Variants in CEP104 observed in about 807,000 individuals in gnomAD.
CEP104 encodes centrosomal protein of 104 kDa.
A neutral mutation model predicts 113.3 loss-of-function variants in CEP104; 84 were observed. The observed-to-expected ratio is 0.74, with a 90% confidence interval of 0.62 to 0.89. The LOEUF (loss-of-function observed/expected upper bound fraction) is 0.89, where lower values mean the gene tolerates loss of function less well. CEP104 is among the 40% of genes least tolerant of loss of function. CEP104 has a pLI of 0.00. For synonymous variants in CEP104, 378 were observed against 421.7 expected (o/e 0.90, Z 1.27); for missense variants, 1,053 against 1,156.6 (o/e 0.91, Z 1.30).
At chr1:3,837,193 A>G (rs1163735109) in intron 9 of CEP104, 99 bp downstream of exon 9, 1 of 960,624 alleles carries the variant, frequency 1.0e-6, no homozygotes, top group Admixed American at 2.2e-5. Flanking sequence ...GCTGGGGAGC[A>G]CTCATGCACC....
chr1:3,833,833 G>A (rs774598382), intron 12 of CEP104, 29 bp downstream of exon 12: 9 of 1,608,696 alleles, frequency 5.6e-6, no homozygotes, highest in South Asian at 3.3e-5. Context: ...TATCATCTAC[G>A]GTTTCAAATG....
Position 3,844,919 on chromosome 1 carries a change from C to A in CEP104, c.554G>T (p.Gly185Val), listed in dbSNP as rs1235161356. 1.2e-6 allele frequency: 2 copies of A among 1,613,930 alleles called. No homozygotes were observed. Among genetic ancestry groups the A allele is most frequent in the Admixed American group, 3.3e-5 (2 of 59,998 alleles). The change falls in exon 6 of 22, where the codon GGA becomes GTA. Residue 185 changes from glycine (G) to valine (V), a missense_variant. By Grantham distance (109) the Gly-to-Val change is moderately radical. Transcript: ENST00000378230. ...GHNSEDPALE[G>V]TYARKSDYIS... ...GCAGGACTCTTACCTGGCGTACGTT[C>A]CTTCTAGAGCAGGGTCCTCGCTGTT...
At chr1:3,820,088 G>C (rs894938919) in intron 20 of CEP104, among the ~76,000 whole-genome samples, 2 of 152,142 alleles carry the variant, frequency 1.3e-5, no homozygotes, top group African/African-American at 2.4e-5. Flanking sequence ...GGTGTGTGGT[G>C]ATGTGTAAGG....
Position 3,815,269 on chromosome 1 carries a change from G to T in CEP104, c.*133C>A, listed in dbSNP as rs1325409500. 1 of 662,692 alleles carries T rather than the reference G, an allele frequency of 1.5e-6. No individual in the cohort carries two copies. The highest frequency in any genetic ancestry group is 1.8e-5 in the African/African-American group (1 of 55,454). The allele number at this position is 662,692 out of a possible 1,614,324, so 41.1% of individuals were successfully genotyped here. A position where few individuals can be genotyped will look rare whatever the true frequency, so the allele number is the denominator to read the frequency against. On this transcript the variant is annotated 3_prime_UTR_variant, in exon 22 of 22. Transcript: ENST00000378230. ...GAGCTGACGGCACAGACGCGTAAGAGGCGTGCACGGCGGGGAGCTGGGGAC... is the reference window on the plus strand; with the variant it reads ...GAGCTGACGGCACAGACGCGTAAGATGCGTGCACGGCGGGGAGCTGGGGAC...
In CEP104 at chr1:3,839,756, G is replaced by A. The variant is rs142965929; in HGVS notation, c.587C>T (p.Pro196Leu). Residue 196 changes from proline to leucine, a missense_variant, in exon 7 of 22, where the codon CCG (proline) becomes CTG (leucine). Transcript: ENST00000378230. ...TYARKSDYIS[P>L]LDDLAFDMYQ... ...CATATCAAAAGCTAAGTCATCTAGC[G>A]GAGAGATATAGTCAGATTTCCTAAA... 7 of 1,611,940 alleles carry A rather than the reference G, an allele frequency of 4.3e-6. No homozygotes were observed. In the African/African-American group the frequency reaches 6.7e-5, roughly 15 times the overall value.
At chr1:3,844,187 A>G (rs1272233461) in intron 6 of CEP104, among the ~76,000 whole-genome samples, 1 of 152,238 alleles carries the variant, frequency 6.6e-6, no homozygotes, top group Non-Finnish European at 1.5e-5. Flanking sequence ...TTTGATTTTT[A>G]CCATGAATTT....
chr1:3,823,490 AAC>A lies in CEP104; in HGVS notation c.2435_2436del (p.Cys812LeufsTer5), dbSNP rs1486491010. 6 of 1,614,242 alleles carry A rather than the reference AAC, an allele frequency of 3.7e-6. No individual in the cohort carries two copies. The highest frequency in any genetic ancestry group is 1.7e-5 in the Admixed American group (1 of 60,030). ...TTGAAAACAGCCTCACTGCAACGGTAACACTTTCCAAACCCGTCTTTTTTGTC... is the reference window on the plus strand; with the variant it reads ...TTGAAAACAGCCTCACTGCAACGGTAACTTTCCAAACCCGTCTTTTTTGTC... ...ECDKKDGFGK[C>X]YRCSEAVFKE... On this transcript the variant is annotated frameshift_variant, in exon 19 of 22. Coordinates refer to ENST00000378230, the MANE Select transcript of CEP104 (RefSeq NM_014704.4). LOFTEE classifies it high-confidence loss of function. This position sits in a 1 kb window ranked among gnomAD's most constrained non-coding sequence, Gnocchi z 4.1.
intron 4 of CEP104, among the ~76,000 whole-genome samples, chr1:3,846,409 GA>G (rs1458746214): frequency 6.6e-6 from 1 of 152,146 alleles, no homozygotes; most frequent in Non-Finnish European, 1.5e-5. Context: ...AGCAAGTTTT[GA>G]AATGAAATTT....
chr1:3,816,425 T>C (rs368037976), intron 20 of CEP104, 55 bp from the exon 21 acceptor site: 9 of 1,404,546 alleles, frequency 6.4e-6, no homozygotes, highest in Non-Finnish European at 8.7e-6. Context: ...CCTGGCACGC[T>C]ACCTGAGACC....
At chr1:3,827,756 G>C (rs1248679055) in intron 15 of CEP104, among the ~76,000 whole-genome samples, 1 of 152,196 alleles carries the variant, frequency 6.6e-6, no homozygotes. Flanking sequence ...TGGGGCGCAG[G>C]TCTGCGCTGG....
chr1:3,833,114 G>C (rs944391339), intron 12 of CEP104, among the ~76,000 whole-genome samples: 2 of 151,866 alleles, frequency 1.3e-5, no homozygotes, highest in Non-Finnish European at 2.9e-5. Context: ...CCAAGTAGCT[G>C]GGACGACAGG....
intron 17 of CEP104, 44 bp from the exon 18 acceptor site, chr1:3,825,910 C>A: frequency 1.5e-6 from 2 of 1,301,182 alleles, no homozygotes; most frequent in South Asian, 2.4e-5. Context: ...GGATCTAGTT[C>A]CACTGATGGC....
chr1:3,820,873 C>G (rs552470457), intron 20 of CEP104, among the ~76,000 whole-genome samples: 1 of 152,284 alleles, frequency 6.6e-6, no homozygotes, highest in Admixed American at 6.5e-5. Context: ...GCCTCCAATA[C>G]CTGAATTCTG....
In CEP104 at chr1:3,819,032, G is replaced by A. The variant is rs76037079; in HGVS notation, c.2572-2662C>T. Among the ~76,000 whole-genome samples, 3,276 of 152,284 alleles carry A rather than the reference G, an allele frequency of 0.022. 73 individuals carry two copies. The highest frequency in any genetic ancestry group is 0.1 in the East Asian group (529 of 5,180). ...CACTCGGAGCTTTCTTCTGAGCAGT[G>A]TGGAGGGTGTCAAACTTCACTGTTT... On this transcript the variant is annotated intron_variant, in intron 20 of 21. Transcript: ENST00000378230. The surrounding 1 kb of genome is among the most constrained non-coding windows in gnomAD (Gnocchi z 4.6).
At chr1:3,822,998 C>G (rs1043700388) in intron 20 of CEP104, 176 bp downstream of exon 20, 2 of 646,620 alleles carry the variant, frequency 3.1e-6, no homozygotes, top group African/African-American at 1.8e-5. Context: ...CATGTGAACA[C>G]GTAGGTAAAC....
In CEP104 at chr1:3,823,154, C is replaced by T. The variant is rs369377282; in HGVS notation, c.2571+20G>A. On this transcript the variant is annotated intron_variant, in intron 20 of 21. Coordinates refer to ENST00000378230, the MANE Select transcript of CEP104 (RefSeq NM_014704.4). This position sits in a 1 kb window ranked among gnomAD's most constrained non-coding sequence, Gnocchi z 4.1. ...GGTGTGTCACCTACTTCACTGGTCC[C>T]TTCTCCCCAGGCCCCTCACCTCTTC... 1.9e-6 allele frequency: 3 copies of T among 1,613,190 alleles called. No homozygotes were observed. The highest frequency in any genetic ancestry group is 2.5e-6 in the Non-Finnish European group (3 of 1,179,540).
intron 15 of CEP104, among the ~76,000 whole-genome samples, chr1:3,827,984 A>G (rs10797343): frequency 0.63 from 95,842 of 152,074 alleles, 30,802 homozygotes; most frequent in African/African-American, 0.75. Flanking sequence ...CTCTCAGGAC[A>G]GCTGTGTGGA....
At chr1:3,848,196 A>C (rs1644543814) in intron 3 of CEP104, among the ~76,000 whole-genome samples, 1 of 152,174 alleles carries the variant, frequency 6.6e-6, no homozygotes, top group Non-Finnish European at 1.5e-5. Flanking sequence ...ACCAAATAGA[A>C]GTACATAACA....
intron 10 of CEP104, 130 bp downstream of exon 10, chr1:3,836,365 T>A: frequency 2.2e-6 from 2 of 898,796 alleles, no homozygotes; most frequent in South Asian, 1.9e-5. Context: ...CAAAGGGAAG[T>A]CAACAATATT....
Sources: allele counts gnomAD v4.1 joint callset (sites outside exome capture counted in the v4.1 genomes callset), GRCh38; gene constraint gnomAD v4.1.1; non-coding constraint Gnocchi (gnomAD v3.1); transcripts MANE v1.5; gene names NCBI Gene and HGNC (gene_info 2026-07-23, HGNC 2026-07-21).